Variants in RNF11 observed in about 807,000 individuals in gnomAD.
RNF11 encodes ring finger protein 11.
A neutral mutation model predicts 15.8 loss-of-function variants in RNF11; 4 were observed. The observed-to-expected ratio is 0.25, with a 90% CI of 0.12 to 0.58. The LOEUF (loss-of-function observed/expected upper bound fraction) is 0.58. RNF11 is among the 20% of genes least tolerant of loss of function. RNF11 has a pLI of 0.91. For missense variants in RNF11, 139 were observed against 194.4 expected, an observed-to-expected ratio of 0.71 and a Z score of 1.70; for synonymous variants, 68 against 72.3, an observed-to-expected ratio of 0.94 and a Z score of 0.30.
At chr1:51,237,496 C>G (rs1444962834) in intron 1 of RNF11, among the ~76,000 whole-genome samples, 1 of 149,292 alleles carries the variant, frequency 6.7e-6, no homozygotes, top group Non-Finnish European at 1.5e-5. Flanking sequence ...TCTTTTTGCT[C>G]CACCCATATG....
In RNF11 at chr1:51,236,632, C is replaced by A. The variant is rs1646804114; in HGVS notation, c.-125C>A. The A allele has an allele frequency of 1.5e-6, 2 of 1,328,896 alleles. No homozygotes were observed. Among genetic ancestry groups the A allele is most frequent in the Non-Finnish European group, 2.1e-6 (2 of 959,642 alleles). The allele number at this position is 1,328,896 out of a possible 1,614,324, so 82.3% of individuals were successfully genotyped here. A position where few individuals can be genotyped will look rare whatever the true frequency, so the allele number is the denominator to read the frequency against. The stretch of plus-strand genomic sequence containing the variant: ...CGGCGGCACCGTGGGGCGGTGGAGT[C>A]GCCTCCGCCTGATCCCCGGCCTGTC... On this transcript the variant is annotated 5_prime_UTR_variant, in exon 1 of 3. Coordinates refer to ENST00000242719, the MANE Select transcript of RNF11 (RefSeq NM_014372.5).
chr1:51,237,904 T>C (rs955387339), intron 1 of RNF11, among the ~76,000 whole-genome samples: 2 of 152,202 alleles, frequency 1.3e-5, no homozygotes, highest in Non-Finnish European at 2.9e-5. Flanking sequence ...CATCATTATC[T>C]AGTGTTTTCT....
intron 1 of RNF11, among the ~76,000 whole-genome samples, chr1:51,256,342 T>G (rs978562812): frequency 7.2e-5 from 11 of 152,226 alleles, no homozygotes; most frequent in African/African-American, 2.4e-4. Flanking sequence ...GATTGGCTTC[T>G]TTCATGTAGT....
chr1:51,242,011 G>A (rs1428459040), intron 1 of RNF11, among the ~76,000 whole-genome samples: 1 of 152,148 alleles, frequency 6.6e-6, no homozygotes, highest in Non-Finnish European at 1.5e-5. Flanking sequence ...AATAAGGATA[G>A]GTGTCTCTCA....
chr1:51,266,079 A>C (rs1419505244), intron 1 of RNF11: 4 of 152,152 alleles, frequency 2.6e-5, no homozygotes, highest in Non-Finnish European at 5.9e-5. Flanking sequence ...TAATGCTCAG[A>C]GATATTAAGA....
At chr1:51,260,498 A>T (rs925941533) in intron 1 of RNF11, among the ~76,000 whole-genome samples, 3 of 152,170 alleles carry the variant, frequency 2.0e-5, no homozygotes, top group Non-Finnish European at 4.4e-5. Flanking sequence ...TTCCCCAGAA[A>T]TCACTGAAAT....
intron 1 of RNF11, among the ~76,000 whole-genome samples, chr1:51,246,284 G>A (rs1019895154): frequency 6.6e-6 from 1 of 151,984 alleles, no homozygotes; most frequent in Non-Finnish European, 1.5e-5. Context: ...CAACAAAAAA[G>A]AAGACGACAG....
intron 1 of RNF11, chr1:51,251,106 T>G: frequency 6.4e-7 from 1 of 1,554,988 alleles, no homozygotes; most frequent in Non-Finnish European, 8.7e-7. Context: ...AACAAACGCC[T>G]TGAACCTGGT....
chr1:51,257,682 T>G (rs1646910428), intron 1 of RNF11, among the ~76,000 whole-genome samples: 1 of 151,758 alleles, frequency 6.6e-6, no homozygotes, highest in Admixed American at 6.6e-5. Flanking sequence ...GGTCTCAAGA[T>G]CCTAGCCTCA....
At chr1:51,250,464 A>C (rs371384784) in intron 1 of RNF11, 6 of 451,150 alleles carry the variant, frequency 1.3e-5, no homozygotes, top group African/African-American at 1.0e-4. Flanking sequence ...CCTTTGAACA[A>C]CATAGAGTTG....
At chr1:51,237,424 G>GTATATA (rs1168154259) in intron 1 of RNF11, among the ~76,000 whole-genome samples, 1 of 135,898 alleles carries the variant, frequency 7.4e-6, no homozygotes, top group African/African-American at 3.0e-5. Context: ...GTGTGTGTGT[G>GTATATA]TATATATATA....
intron 1 of RNF11, among the ~76,000 whole-genome samples, chr1:51,243,547 T>A (rs556618548): frequency 5.6e-4 from 86 of 152,296 alleles, no homozygotes; most frequent in African/African-American, 1.7e-3. Context: ...CGAGCAATTC[T>A]CCTGCCTCAG....
chr1:51,244,890 C>T (rs997329047), intron 1 of RNF11, among the ~76,000 whole-genome samples: 3 of 152,102 alleles, frequency 2.0e-5, no homozygotes, highest in African/African-American at 7.2e-5. Context: ...GAGTTTAATT[C>T]TAGAGCTAAT....
At chr1:51,266,729 C>T (rs536593438) in intron 1 of RNF11, among the ~76,000 whole-genome samples, 4 of 152,160 alleles carry the variant, frequency 2.6e-5, no homozygotes, top group Non-Finnish European at 5.9e-5. Context: ...TTCCAAACTG[C>T]AAGGATTACA....
intron 1 of RNF11, among the ~76,000 whole-genome samples, chr1:51,260,532 T>A (rs1646925445): frequency 6.6e-6 from 1 of 152,214 alleles, no homozygotes; most frequent in South Asian, 2.1e-4. Flanking sequence ...ATTGTCATTT[T>A]ATCTTACTGA....
At chr1:51,259,173 A>G (rs1646918796) in intron 1 of RNF11, among the ~76,000 whole-genome samples, 1 of 152,214 alleles carries the variant, frequency 6.6e-6, no homozygotes, top group Non-Finnish European at 1.5e-5. Flanking sequence ...GTGGCAGGGA[A>G]GAGGGTGCCA....
intron 1 of RNF11, among the ~76,000 whole-genome samples, chr1:51,259,786 G>C (rs1646922032): frequency 6.6e-6 from 1 of 152,174 alleles, no homozygotes. Context: ...CAAAGTTTAA[G>C]TCAATCAGTA....
At position 51,273,237 on chromosome 1, in the gene RNF11, A is replaced by G. The variant is rs1375869716; in HGVS notation, c.*1915A>G. 1 of 152,156 alleles carries G rather than the reference A, an allele frequency of 6.6e-6. No individual in the cohort carries two copies. The highest frequency in any genetic ancestry group is 1.9e-4 in the East Asian group (1 of 5,206). The allele number at this position is 152,156 out of a possible 1,614,324, so 9.4% of individuals were successfully genotyped here. On this transcript the variant is annotated 3_prime_UTR_variant, in exon 3 of 3. Transcript: ENST00000242719. Reference sequence around the variant, plus strand: ...TTTTCTAGATTGTTAAAATTGGCAAATGAACTTTTTTAAAAATCATCTTCC... The same window carrying G: ...TTTTCTAGATTGTTAAAATTGGCAAGTGAACTTTTTTAAAAATCATCTTCC...
At chr1:51,237,434 ATAT>A (rs1646809702) in intron 1 of RNF11, among the ~76,000 whole-genome samples, 1 of 136,014 alleles carries the variant, frequency 7.4e-6, no homozygotes, top group Non-Finnish European at 1.6e-5. Flanking sequence ...GTATATATAT[ATAT>A]ATGTGTATAT....
Sources: allele counts gnomAD v4.1 joint callset (sites outside exome capture counted in the v4.1 genomes callset), GRCh38; gene constraint gnomAD v4.1.1; transcripts MANE v1.5; gene names NCBI Gene and HGNC (gene_info 2026-07-23, HGNC 2026-07-21).